Variants in HS1BP3 observed in about 807,000 individuals in gnomAD.
HS1BP3 encodes HCLS1-binding protein 3.
HS1BP3 carries 32 observed loss-of-function variants against 33.5 expected under a neutral mutation model. The observed-to-expected ratio is 0.95, with a 90% CI of 0.72 to 1.28. The LOEUF (loss-of-function observed/expected upper bound fraction) is 1.28. HS1BP3 is among the 50% of genes most tolerant of loss of function. The pLI is 0.00. For synonymous variants in HS1BP3, 187 were observed against 209.2 expected (o/e 0.89, Z 0.92); for missense variants, 486 against 502.3 (o/e 0.97, Z 0.31).
chr2:20,649,180 T>C (rs188111282), intron 1 of HS1BP3, among the ~76,000 whole-genome samples: 532 of 152,350 alleles, frequency 3.5e-3, no homozygotes, highest in Non-Finnish European at 6.2e-3. Context: ...CACAGCCTTC[T>C]CGGCCTTTCC....
At chr2:20,609,598 T>C (rs908496826) in intron 2 of HS1BP3, among the ~76,000 whole-genome samples, 22 of 152,188 alleles carry the variant, frequency 1.4e-4, no homozygotes, top group Non-Finnish European at 4.4e-5. Context: ...TGTCATCCCA[T>C]ACTGTGCCAG....
downstream of HS1BP3, among the ~76,000 whole-genome samples, chr2:20,590,299 C>A (rs1693781081): frequency 6.6e-6 from 1 of 152,206 alleles, no homozygotes; most frequent in Non-Finnish European, 1.5e-5. Context: ...TGAGCTCCAC[C>A]TCTACCCAGC....
chr2:20,581,139 G>T (rs1453282970), intron 5 of HS1BP3, among the ~76,000 whole-genome samples: 1 of 152,220 alleles, frequency 6.6e-6, no homozygotes, highest in Non-Finnish European at 1.5e-5. Context: ...CCACTGTTCA[G>T]CTGCTGCCTC....
chr2:20,583,126 A>G (rs1402506410), intron 5 of HS1BP3, among the ~76,000 whole-genome samples: 1 of 152,212 alleles, frequency 6.6e-6, no homozygotes, highest in Non-Finnish European at 1.5e-5. Flanking sequence ...GGCATGTGCC[A>G]TGCACTGTGG....
downstream of HS1BP3, among the ~76,000 whole-genome samples, chr2:20,588,793 G>A (rs1385941831): frequency 6.6e-6 from 1 of 152,226 alleles, no homozygotes; most frequent in Non-Finnish European, 1.5e-5. Flanking sequence ...TGAGGCGAAG[G>A]CACAGGACAT....
At chr2:20,591,018 G>T (rs1187796191), downstream of HS1BP3, 1 of 167,164 alleles carries the variant, frequency 6.0e-6, no homozygotes, top group Non-Finnish European at 1.5e-5. Context: ...TGTGGCAGGA[G>T]CGCCGATGAT....
chr2:20,581,384 C>T (rs1011556905), intron 5 of HS1BP3, among the ~76,000 whole-genome samples: 1 of 152,192 alleles, frequency 6.6e-6, no homozygotes, highest in Admixed American at 6.5e-5. Context: ...AAGTCTTGCT[C>T]TGTCACCCAG....
At chr2:20,633,156 T>C (rs1378282091) in intron 4 of HS1BP3, among the ~76,000 whole-genome samples, 1 of 152,174 alleles carries the variant, frequency 6.6e-6, no homozygotes, top group Non-Finnish European at 1.5e-5. Flanking sequence ...GAAAGGGGAT[T>C]TGAACCTGGG....
chr2:20,639,579 A>G (rs1401804148), intron 3 of HS1BP3, among the ~76,000 whole-genome samples: 1 of 152,204 alleles, frequency 6.6e-6, no homozygotes, highest in Non-Finnish European at 1.5e-5. Context: ...AGTGATAATG[A>G]CGATATCGTA....
At chr2:20,574,432 T>C (rs564386334) in intron 5 of HS1BP3, among the ~76,000 whole-genome samples, 1 of 152,378 alleles carries the variant, frequency 6.6e-6, no homozygotes, top group East Asian at 1.9e-4. Flanking sequence ...GCTAACTTTC[T>C]GCAAGTGTCT....
intron 4 of HS1BP3, among the ~76,000 whole-genome samples, chr2:20,630,353 C>A (rs1458554854): frequency 2.0e-5 from 3 of 152,164 alleles, no homozygotes; most frequent in African/African-American, 4.8e-5. Flanking sequence ...GCAGCCTCGA[C>A]CTCCTGGGCT....
At chr2:20,645,119 C>G (rs555058068) in intron 2 of HS1BP3, among the ~76,000 whole-genome samples, 2 of 152,336 alleles carry the variant, frequency 1.3e-5, no homozygotes, top group South Asian at 4.1e-4. Flanking sequence ...CTGTCCCCAT[C>G]TGTATCTGTC....
chr2:20,581,448 C>T (rs1263407214), intron 5 of HS1BP3, among the ~76,000 whole-genome samples: 1 of 152,138 alleles, frequency 6.6e-6, no homozygotes, highest in Non-Finnish European at 1.5e-5. Context: ...CTCCTGGGTT[C>T]AAGCAATTCT....
At chr2:20,605,235 CA>C (rs1694150007) in intron 2 of HS1BP3, among the ~76,000 whole-genome samples, 1 of 152,178 alleles carries the variant, frequency 6.6e-6, no homozygotes, top group Non-Finnish European at 1.5e-5. Context: ...TTCTCCTCAT[CA>C]AGATTTCAGC....
rs569311349 is a variant in HS1BP3, at chr2:20,649,665, C to T, written c.32+1367G>A. 1.1e-4 allele frequency among the ~76,000 whole-genome samples: 16 copies of T among 152,298 alleles called. No individual in the cohort carries two copies. The East Asian group carries it at 2.1e-3, about 20-fold the overall frequency. On this transcript the variant is annotated intron_variant, in intron 1 of 6. Coordinates refer to ENST00000304031, the MANE Select transcript of HS1BP3 (RefSeq NM_022460.4). ...GTGGCAATGACATGTGGGAGGAGAT[C>T]GGGCTGGAAAGAGGAGCTGGGGTGC...
downstream of HS1BP3, among the ~76,000 whole-genome samples, chr2:20,588,789 G>T (rs1052275524): frequency 6.6e-6 from 1 of 152,216 alleles, no homozygotes; most frequent in Non-Finnish European, 1.5e-5. Flanking sequence ...CATGTGAGGC[G>T]AAGGCACAGG....
chr2:20,567,522 G>A (rs909049475), intron 5 of HS1BP3, among the ~76,000 whole-genome samples: 4 of 77,476 alleles, frequency 5.2e-5, no homozygotes, highest in African/African-American at 1.6e-4. Flanking sequence ...AAGGCATGTG[G>A]TGCTGGCAGC....
intron 2 of HS1BP3, among the ~76,000 whole-genome samples, chr2:20,601,519 G>A (rs10204809): frequency 0.017 from 2,563 of 152,194 alleles, 74 homozygotes; most frequent in African/African-American, 0.059. Flanking sequence ...GGAGGGACCC[G>A]GTGGGAGGTA....
intron 5 of HS1BP3, among the ~76,000 whole-genome samples, chr2:20,562,146 C>A (rs1040378949): frequency 6.6e-6 from 1 of 152,178 alleles, no homozygotes; most frequent in African/African-American, 2.4e-5. Flanking sequence ...TCTCTTTCAA[C>A]TCCGACTGTT....
Sources: allele counts gnomAD v4.1 joint callset (sites outside exome capture counted in the v4.1 genomes callset), GRCh38; gene constraint gnomAD v4.1.1; transcripts MANE v1.5; gene names NCBI Gene and HGNC (gene_info 2026-07-23, HGNC 2026-07-21).